The following SLC22A9 variants were observed in gnomAD, a reference collection of about 807,000 sequenced individuals.
The protein encoded by SLC22A9 is solute carrier family 22 member 9, also known as organic anion transporter 7.
Under a neutral mutation model 50.1 loss-of-function variants are expected in SLC22A9, and 64 were observed. The observed-to-expected ratio is 1.28, with a 90% CI of 1.04 to 1.57. SLC22A9 has a LOEUF of 1.57. SLC22A9 is among the 40% of genes most tolerant of loss of function. The pLI is 0.00. For synonymous variants in SLC22A9, 261 were observed against 242.5 expected, an observed-to-expected ratio of 1.08 and a Z score of -0.71; for missense variants, 757 against 676.1, an observed-to-expected ratio of 1.12 and a Z score of -1.33.
At chr11:63,389,345 C>T (rs562175682) in intron 6 of SLC22A9, among the ~76,000 whole-genome samples, 3 of 151,776 alleles carry the variant, frequency 2.0e-5, no homozygotes, top group East Asian at 1.9e-4. Context: ...CCCCAACCCC[C>T]GACAGGCCCC....
intron 6 of SLC22A9, among the ~76,000 whole-genome samples, chr11:63,392,990 G>C (rs2014790405): frequency 2.0e-5 from 3 of 152,034 alleles, no homozygotes; most frequent in Non-Finnish European, 4.4e-5. Context: ...GGTTTCATAT[G>C]AATTATAGAA....
At position 63,374,063 on chromosome 11, in the gene SLC22A9, G is replaced by T; in HGVS notation, c.830+1G>T. 1 of 1,602,546 alleles carries T rather than the reference G, an allele frequency of 6.2e-7. No individual in the cohort carries two copies. Among genetic ancestry groups the T allele is most frequent in the Non-Finnish European group, 8.5e-7 (1 of 1,175,352 alleles). The stretch of plus-strand genomic sequence containing the variant: ...ACTTTGTGATCTTTCTGACCTCAAG[G>T]TATGAGTTTGTTTCTTCTTTTGTCT... On this transcript the variant is annotated splice_donor_variant, in intron 4 of 9. Coordinates refer to ENST00000279178, the MANE Select transcript of SLC22A9 (RefSeq NM_080866.3). LOFTEE classifies it high-confidence loss of function.
intron 6 of SLC22A9, among the ~76,000 whole-genome samples, chr11:63,405,982 T>A (rs191112207): frequency 6.6e-6 from 1 of 152,320 alleles, no homozygotes; most frequent in Non-Finnish European, 1.5e-5. Flanking sequence ...TATTGTGGTA[T>A]CTTCAGTTCT....
chr11:63,399,004 T>C (rs1024043171), intron 6 of SLC22A9, among the ~76,000 whole-genome samples: 3 of 152,166 alleles, frequency 2.0e-5, no homozygotes, highest in African/African-American at 7.2e-5. Context: ...AAATAATTTA[T>C]CATCAGGTAT....
chr11:63,373,918 T>C lies in SLC22A9; in HGVS notation c.686T>C (p.Phe229Ser). The change falls in exon 4 of 10, where the codon TTC becomes TCC. Residue 229 changes from phenylalanine (F) to serine (S), a missense_variant. Coordinates refer to ENST00000279178, the MANE Select transcript of SLC22A9 (RefSeq NM_080866.3). The stretch of plus-strand genomic sequence containing the variant: ...GTAGCCGAGTGGGCAACACACAGAT[T>C]CCAGGCCATGGGAATTACATTGGGA... ...MLIAEWATHR[F>S]QAMGITLGMC... 6.2e-7 allele frequency: 1 copy of C among 1,613,668 alleles called. No homozygotes were observed. The highest frequency in any genetic ancestry group is 8.5e-7 in the Non-Finnish European group (1 of 1,179,748).
In SLC22A9 at chr11:63,406,514, C is replaced by T; in HGVS notation, c.1091C>T (p.Ala364Val). ...CATCACAGATTTGCAAACTTTATGG[C>T]CTATTTTGGCCTTAATCTCCATGTC... The part of the protein sequence containing the change: ...LSFTRFANFM[A>V]YFGLNLHVQH... The change falls in exon 7 of 10, where the codon GCC (alanine) becomes GTC (valine). Residue 364 changes from alanine to valine, a missense_variant. By Grantham distance (64) the Ala-to-Val change is moderately conservative (BLOSUM62 0). Coordinates refer to ENST00000279178, the MANE Select transcript of SLC22A9 (RefSeq NM_080866.3). 6.2e-7 allele frequency: 1 copy of T among 1,613,490 alleles called. No homozygotes were observed. Among genetic ancestry groups the T allele is most frequent in the Non-Finnish European group, 8.5e-7 (1 of 1,179,632 alleles).
chr11:63,400,013 C>A (rs988571691), intron 6 of SLC22A9, among the ~76,000 whole-genome samples: 3 of 151,892 alleles, frequency 2.0e-5, no homozygotes, highest in Non-Finnish European at 4.4e-5. Flanking sequence ...ATATACCAAA[C>A]CTTTGAGATA....
At chr11:63,399,002 T>A (rs1296963960) in intron 6 of SLC22A9, among the ~76,000 whole-genome samples, 1 of 152,176 alleles carries the variant, frequency 6.6e-6, no homozygotes, top group Non-Finnish European at 1.5e-5. Flanking sequence ...AAAAATAATT[T>A]ATCATCAGGT....
intron 6 of SLC22A9, among the ~76,000 whole-genome samples, chr11:63,385,777 C>T (rs2014653921): frequency 1.3e-5 from 2 of 152,030 alleles, no homozygotes; most frequent in South Asian, 4.1e-4. Flanking sequence ...GATTCAAATA[C>T]CCTTTATTTC....
Position 63,406,666 on chromosome 11 carries a change from T to C in SLC22A9, c.1243T>C (p.Phe415Leu), listed in dbSNP as rs993464351. 2.5e-6 allele frequency: 4 copies of C among 1,613,742 alleles called. No homozygotes were observed. Among genetic ancestry groups the C allele is most frequent in the Non-Finnish European group, 2.5e-6 (3 of 1,179,806 alleles). Residue 415 changes from phenylalanine (F) to leucine (L), a missense_variant, in exon 7 of 10, where the codon TTC becomes CTC. Transcript: ENST00000279178. ...TCGAGCAAGCCAGATGCTTCTCATG[T>C]TCCTACTGGCAATCTGCCTTCTGGC... Reference protein sequence around the residue: ...NRRASQMLLMFLLAICLLAII... With the variant: ...NRRASQMLLMLLLAICLLAII...
intron 9 of SLC22A9, 124 bp from the exon 10 acceptor site, chr11:63,409,678 A>T: frequency 1.1e-6 from 1 of 930,668 alleles, no homozygotes; most frequent in Non-Finnish European, 1.6e-6. Flanking sequence ...GGGGGCAGAG[A>T]TATGGTTTTT....
chr11:63,393,002 T>G (rs1247890965), intron 6 of SLC22A9, among the ~76,000 whole-genome samples: 1 of 152,160 alleles, frequency 6.6e-6, no homozygotes, highest in Non-Finnish European at 1.5e-5. Context: ...ATTATAGAAT[T>G]GTTTTTTCTA....
intron 6 of SLC22A9, among the ~76,000 whole-genome samples, chr11:63,391,268 G>A (rs1420423669): frequency 6.6e-6 from 1 of 152,022 alleles, no homozygotes; most frequent in Non-Finnish European, 1.5e-5. Context: ...ATACCCATGA[G>A]CTGAGGAGAA....
At chr11:63,407,600 C>T (rs1200790385) in intron 7 of SLC22A9, among the ~76,000 whole-genome samples, 1 of 152,144 alleles carries the variant, frequency 6.6e-6, no homozygotes, top group East Asian at 1.9e-4. Context: ...TATTCCTAAT[C>T]CTTAAAACAT....
intron 5 of SLC22A9, among the ~76,000 whole-genome samples, chr11:63,380,683 C>T (rs1315170597): frequency 6.6e-6 from 1 of 152,026 alleles, no homozygotes; most frequent in Non-Finnish European, 1.5e-5. Context: ...ACAATAGACA[C>T]CAGAGCCTAC....
intron 7 of SLC22A9, among the ~76,000 whole-genome samples, chr11:63,407,519 A>G (rs976134888): frequency 6.6e-6 from 1 of 152,198 alleles, no homozygotes; most frequent in African/African-American, 2.4e-5. Flanking sequence ...TCAGTTGGAT[A>G]GAAACAAGCC....
Position 63,373,740 on chromosome 11 carries a change from A to G in SLC22A9, c.603A>G (p.Ser201=). ...CTCCCACCTTCCTCATTTACTGCTC[A>G]CTACGCTTCTTGTCTGGGATTGCTG... ...ALAPTFLIYC[S]LRFLSGIAAM... is the part of the protein sequence containing the mutation. The change falls in exon 3 of 10, where the codon TCA becomes TCG. Residue 201 remains serine (S), a synonymous_variant. Transcript: ENST00000279178. 1.2e-6 allele frequency: 2 copies of G among 1,613,386 alleles called. No homozygotes were observed. Among genetic ancestry groups the G allele is most frequent in the Non-Finnish European group, 1.7e-6 (2 of 1,179,610 alleles).
rs372527720 is a variant in SLC22A9, at chr11:63,373,745, G to A, written c.608G>A (p.Arg203His). The change falls in exon 3 of 10, where the codon CGC (arginine) becomes CAC (histidine). Residue 203 changes from arginine (R) to histidine (H), a missense_variant. Physicochemically the swap from Arg to His is conservative, Grantham distance 29. Coordinates refer to ENST00000279178, the MANE Select transcript of SLC22A9 (RefSeq NM_080866.3). ...ACCTTCCTCATTTACTGCTCACTACGCTTCTTGTCTGGGATTGCTGCAATG... is the reference window on the plus strand; with the variant it reads ...ACCTTCCTCATTTACTGCTCACTACACTTCTTGTCTGGGATTGCTGCAATG... ...APTFLIYCSL[R>H]FLSGIAAMSL... The A allele has an allele frequency of 5.1e-4, 829 of 1,613,286 alleles. 7 individuals are homozygous for A. The South Asian group carries it at 8.6e-3, about 17-fold the overall frequency.
rs147788785 is a variant in SLC22A9, at chr11:63,396,542, G to A, written c.1074-9955G>A. Among the ~76,000 whole-genome samples, 437 of 152,220 alleles carry A rather than the reference G, an allele frequency of 2.9e-3. 3 individuals carry two copies. The highest frequency in any genetic ancestry group is 4.3e-3 in the Non-Finnish European group (295 of 68,020). ...CAGTTTGGGCACTCATCGTATTTGG[G>A]ATATCTCCTGGCTCCTGCAGGAGCA... is the stretch of plus-strand genomic sequence containing the variant. On this transcript the variant is annotated intron_variant, in intron 6 of 9. Transcript: ENST00000279178.
Sources: gnomAD v4.1 joint callset for allele counts (sites outside exome capture counted in the v4.1 genomes callset) on GRCh38, gnomAD v4.1.1 for gene constraint, MANE v1.5 for transcripts, NCBI Gene and HGNC (gene_info 2026-07-23, HGNC 2026-07-21) for gene names.